Variants in DCC observed in about 807,000 individuals in gnomAD.
DCC encodes the protein DCC netrin 1 receptor.
Under a neutral mutation model 172.5 loss-of-function variants are expected in DCC, and 58 were observed. The ratio of observed to expected loss-of-function variants is 0.34; its 90% CI spans 0.27 to 0.42. DCC has a LOEUF of 0.42. DCC is among the 10% of genes least tolerant of loss of function. DCC has a pLI of 1.00. For missense variants in DCC, 1,740 were observed against 1,791.0 expected, an observed-to-expected ratio of 0.97 and a Z score of 0.51; for synonymous variants, 709 against 644.5, an observed-to-expected ratio of 1.10 and a Z score of -1.52.
intron 1 of DCC, among the ~76,000 whole-genome samples, chr18:52,711,338 C>T (rs2036288510): frequency 6.6e-6 from 1 of 152,156 alleles, no homozygotes; most frequent in South Asian, 2.1e-4. Context: ...AGTGATTCTC[C>T]TGCCTCAGCC....
intron 22 of DCC, among the ~76,000 whole-genome samples, chr18:53,440,405 C>G (rs1008968015): frequency 5.9e-5 from 9 of 151,506 alleles, no homozygotes; most frequent in Admixed American, 5.9e-4. Flanking sequence ...ATAAATAGAT[C>G]AACATTATTA....
intron 25 of DCC, among the ~76,000 whole-genome samples, chr18:53,486,286 A>G (rs1421953272): frequency 6.6e-6 from 1 of 152,206 alleles, no homozygotes; most frequent in Non-Finnish European, 1.5e-5. Context: ...CTATTTAAAG[A>G]TAAATCCTAA....
At chr18:52,924,821 G>A (rs17390611) in intron 4 of DCC, among the ~76,000 whole-genome samples, 3,692 of 152,078 alleles carry the variant, frequency 0.024, 72 homozygotes, top group Admixed American at 0.053. Context: ...GTATAGCCAA[G>A]CACTCTTAGT....
intron 1 of DCC, among the ~76,000 whole-genome samples, chr18:52,745,357 G>A (rs1386005092): frequency 1.3e-5 from 2 of 152,194 alleles, no homozygotes; most frequent in Admixed American, 6.5e-5. Flanking sequence ...CAGATGTTTT[G>A]GAGCAAAGTT....
At chr18:53,124,369 T>A (rs2043525141) in intron 7 of DCC, among the ~76,000 whole-genome samples, 1 of 152,058 alleles carries the variant, frequency 6.6e-6, no homozygotes, top group Non-Finnish European at 1.5e-5. Flanking sequence ...AACAGGCAAA[T>A]ACTAGTTAGT....
At chr18:53,468,787 C>T (rs1429671366) in intron 25 of DCC, among the ~76,000 whole-genome samples, 1 of 152,140 alleles carries the variant, frequency 6.6e-6, no homozygotes, top group East Asian at 1.9e-4. Context: ...CTACACACCC[C>T]TTGTTGAAGT....
chr18:52,533,947 A>G (rs1483494405), intron 1 of DCC, among the ~76,000 whole-genome samples: 1 of 152,054 alleles, frequency 6.6e-6, no homozygotes, highest in Non-Finnish European at 1.5e-5. Flanking sequence ...TCTGGTAAGT[A>G]GGTAGTGAAT....
intron 5 of DCC, among the ~76,000 whole-genome samples, chr18:52,997,470 C>T (rs10163667): frequency 5.3e-5 from 8 of 152,016 alleles, no homozygotes; most frequent in Non-Finnish European, 7.4e-5. Context: ...CCTAAGTCTC[C>T]ATTCAGGATT....
intron 1 of DCC, among the ~76,000 whole-genome samples, chr18:52,494,196 T>C (rs1022503653): frequency 3.3e-5 from 5 of 152,130 alleles, no homozygotes; most frequent in Admixed American, 3.3e-4. Flanking sequence ...GCCTGTTTTC[T>C]CTGTTTTTAA....
chr18:53,253,209 T>C (rs2056461227), intron 12 of DCC, among the ~76,000 whole-genome samples: 1 of 152,046 alleles, frequency 6.6e-6, no homozygotes, highest in Admixed American at 6.6e-5. Flanking sequence ...CTTTCTTTTA[T>C]ATATTTCTTT....
chr18:53,343,751 T>G (rs2057688679), intron 15 of DCC, among the ~76,000 whole-genome samples: 1 of 152,022 alleles, frequency 6.6e-6, no homozygotes, highest in Non-Finnish European at 1.5e-5. Context: ...TCTTAAGTAT[T>G]TTATAGATTT....
chr18:53,226,948 A>ATATATATATATATTTTTTT, intron 12 of DCC, among the ~76,000 whole-genome samples: 4 of 52,950 alleles, frequency 7.6e-5, no homozygotes, highest in African/African-American at 3.8e-4. Context: ...ATATATATAT[A>ATATATATATATATTTTTTT]TTTTTTTTTT....
At chr18:52,473,316 A>T (rs1988999187) in intron 1 of DCC, among the ~76,000 whole-genome samples, 1 of 152,186 alleles carries the variant, frequency 6.6e-6, no homozygotes, top group African/African-American at 2.4e-5. Flanking sequence ...TCCAGTTAAA[A>T]TGCTAGGATT....
intron 21 of DCC, among the ~76,000 whole-genome samples, chr18:53,422,274 A>G (rs578072414): frequency 3.9e-5 from 6 of 152,244 alleles, no homozygotes; most frequent in Admixed American, 3.9e-4. Flanking sequence ...CTATTCCACA[A>G]TAAAACTCCG....
intron 1 of DCC, among the ~76,000 whole-genome samples, chr18:52,439,174 T>TTG (rs60983168): frequency 0.1 from 14,643 of 144,608 alleles, 910 homozygotes; most frequent in Non-Finnish European, 0.14. Context: ...AAGATATGTT[T>TTG]TGTGTGTGTG....
Position 53,464,593 on chromosome 18 carries a change from T to C in DCC, c.3620-3301T>C, listed in dbSNP as rs1004181848. Among the ~76,000 whole-genome samples the C allele has an allele frequency of 8.6e-5, 13 of 151,722 alleles. 1 individual carries two copies. In the East Asian group the frequency reaches 2.5e-3, roughly 29 times the overall value. ...AAATCTTGTTTAACTTTTCAATGAA[T>C]TCATGTAATATCAAGCACAGTCTAT... On this transcript the variant is annotated intron_variant, in intron 24 of 28. Transcript: ENST00000442544.
At chr18:52,786,384 ATTAG>A (rs939458660) in intron 2 of DCC, among the ~76,000 whole-genome samples, 2 of 151,970 alleles carry the variant, frequency 1.3e-5, no homozygotes, top group South Asian at 2.1e-4. Flanking sequence ...CTTAAAAACA[ATTAG>A]TGAGACAAGG....
At chr18:52,451,992 T>C (rs762208527) in intron 1 of DCC, among the ~76,000 whole-genome samples, 1 of 152,226 alleles carries the variant, frequency 6.6e-6, no homozygotes, top group Non-Finnish European at 1.5e-5. Flanking sequence ...ACACTGGCAA[T>C]GTCACGGCTT....
At chr18:52,921,656 G>A (rs778283806) in intron 3 of DCC, among the ~76,000 whole-genome samples, 9 of 151,222 alleles carry the variant, frequency 6.0e-5, no homozygotes, top group African/African-American at 1.2e-4. Flanking sequence ...CTGAGATGGC[G>A]CCACTGCACT....
Sources: gnomAD v4.1 joint callset for allele counts (sites outside exome capture counted in the v4.1 genomes callset) on GRCh38, gnomAD v4.1.1 for gene constraint, MANE v1.5 for transcripts, NCBI Gene and HGNC (gene_info 2026-07-23, HGNC 2026-07-21) for gene names.